Variants in SRGAP3 observed in about 807,000 individuals in gnomAD.
The protein encoded by SRGAP3 is SLIT-ROBO Rho GTPase-activating protein 3.
In SRGAP3, 39 loss-of-function variants were observed where a neutral mutation model predicts 121.1. The observed-to-expected ratio is 0.32, with a 90% confidence interval of 0.25 to 0.42. The LOEUF is 0.42. SRGAP3 is among the 10% of genes least tolerant of loss of function. The pLI, the probability that SRGAP3 is intolerant of heterozygous loss-of-function variation, is 1.00. For missense variants in SRGAP3, 1,213 were observed against 1,470.6 expected, an observed-to-expected ratio of 0.82 and a Z score of 2.86; for synonymous variants, 601 against 570.0, an observed-to-expected ratio of 1.05 and a Z score of -0.77.
intron 4 of SRGAP3, among the ~76,000 whole-genome samples, chr3:9,079,593 G>A (rs1339400038): frequency 6.6e-6 from 1 of 152,204 alleles, no homozygotes; most frequent in African/African-American, 2.4e-5. Flanking sequence ...CAGATGCACA[G>A]ACTGAGACCC....
chr3:9,342,145 G>A (rs971243115), intron 1 of SRGAP3, among the ~76,000 whole-genome samples: 6 of 152,296 alleles, frequency 3.9e-5, no homozygotes, highest in Middle Eastern at 3.4e-3. Flanking sequence ...GAGGCCAGGA[G>A]TTGGAGACGA....
intron 1 of SRGAP3, among the ~76,000 whole-genome samples, chr3:9,140,749 A>G (rs190284693): frequency 3.5e-4 from 54 of 152,378 alleles, no homozygotes; most frequent in African/African-American, 1.2e-3. Context: ...ATAGGTTGCC[A>G]ACTCCTCTAC....
At chr3:9,118,575 G>C (rs1948887706) in intron 2 of SRGAP3, among the ~76,000 whole-genome samples, 1 of 152,166 alleles carries the variant, frequency 6.6e-6, no homozygotes, top group Non-Finnish European at 1.5e-5. Flanking sequence ...GGGAAGGCCA[G>C]CACAGCCCAA....
intron 1 of SRGAP3, among the ~76,000 whole-genome samples, chr3:9,226,166 G>A (rs527269895): frequency 1.3e-5 from 2 of 152,334 alleles, no homozygotes; most frequent in East Asian, 1.9e-4. Context: ...GGTCAGGGGT[G>A]GGGTAGAGGC....
intron 1 of SRGAP3, among the ~76,000 whole-genome samples, chr3:9,157,881 A>G (rs1452762349): frequency 2.0e-5 from 3 of 152,246 alleles, no homozygotes; most frequent in Admixed American, 1.3e-4. Flanking sequence ...TCCTACAGGA[A>G]AAGTTTTCAG....
chr3:9,145,428 G>A (rs1422623361), intron 1 of SRGAP3, among the ~76,000 whole-genome samples: 4 of 152,120 alleles, frequency 2.6e-5, no homozygotes, highest in African/African-American at 9.7e-5. Context: ...TCTGTTTTAT[G>A]TAAGTTTTTA....
chr3:9,248,688 C>A (rs946655254), intron 1 of SRGAP3, among the ~76,000 whole-genome samples, 197 bp downstream of exon 1: 118 of 152,154 alleles, frequency 7.8e-4, no homozygotes, highest in Non-Finnish European at 2.9e-4. Flanking sequence ...AATCCACACT[C>A]CCAGCCCCAG....
In SRGAP3 at chr3:9,013,907, C is replaced by A. The variant is rs1056214016; in HGVS notation, c.1814-65G>T. 6.8e-6 allele frequency: 10 copies of A among 1,463,402 alleles called. No individual in the cohort carries two copies. In the East Asian group the frequency reaches 2.3e-4, roughly 33 times the overall value. The allele number at this position is 1,463,402 out of a possible 1,614,324, so 90.7% of individuals were successfully genotyped here. A position where few individuals can be genotyped will look rare whatever the true frequency, so the allele number is the denominator to read the frequency against. On this transcript the variant is annotated intron_variant, in intron 15 of 21. Transcript: ENST00000383836. ...CAGAGAGCAAAGCAACAAACATTCG[C>A]TCGCCACATCTCCTATATCAACCCA...
chr3:9,262,533 G>GAAAAAAAAAAAAA (rs1954274099), intron 3 of SRGAP3, among the ~76,000 whole-genome samples: 1 of 4,476 alleles, frequency 2.2e-4, no homozygotes, highest in Non-Finnish European at 6.5e-4. Flanking sequence ...CAAATGGAAA[G>GAAAAAAAAAAAAA]CAAAAAAAAA....
chr3:9,214,688 C>CCTAT (rs1952556154), intron 1 of SRGAP3, among the ~76,000 whole-genome samples: 1 of 152,158 alleles, frequency 6.6e-6, no homozygotes, highest in Non-Finnish European at 1.5e-5. Flanking sequence ...ATCCAGATGT[C>CCTAT]CTATCTCGGT....
chr3:8,985,633 C>T lies in SRGAP3; in HGVS notation c.3186G>A (p.Pro1062=), dbSNP rs771932247. 13 of 1,594,778 alleles carry T rather than the reference C, an allele frequency of 8.2e-6. No individual in the cohort carries two copies. The highest frequency in any genetic ancestry group is 1.3e-5 in the African/African-American group (1 of 74,702). Residue 1062 remains proline (P), a synonymous_variant, in exon 22 of 22, where the codon CCG becomes CCA. Transcript: ENST00000383836. This position sits in a 1 kb window ranked among gnomAD's most constrained non-coding sequence, Gnocchi z 5.1. Reference sequence around the variant, plus strand: ...TGCTGCTGGACCGGTGCTGGACCACCGGCCGCACGGGCCGCATGGGGGGCG... The same window carrying T: ...TGCTGCTGGACCGGTGCTGGACCACTGGCCGCACGGGCCGCATGGGGGGCG... ...LRPPPMRPVR[P]VVQHRSSSSS... is the part of the protein sequence containing the mutation.
intron 1 of SRGAP3, among the ~76,000 whole-genome samples, chr3:9,145,434 T>TATATTATG (rs1949991928): frequency 6.6e-6 from 1 of 152,176 alleles, no homozygotes; most frequent in African/African-American, 2.4e-5. Context: ...TTATGTAAGT[T>TATATTATG]TTTAATATAA....
At chr3:9,187,069 C>T (rs1483768531) in intron 1 of SRGAP3, among the ~76,000 whole-genome samples, 1 of 152,072 alleles carries the variant, frequency 6.6e-6, no homozygotes, top group Non-Finnish European at 1.5e-5. Flanking sequence ...CCCGTCAACC[C>T]GTCATCTACA....
chr3:8,996,622 T>C (rs1942417691), intron 18 of SRGAP3, among the ~76,000 whole-genome samples: 1 of 152,244 alleles, frequency 6.6e-6, no homozygotes, highest in Admixed American at 6.5e-5. Context: ...ACTCAGATCT[T>C]GACTCAGAGT....
At chr3:9,117,619 T>C (rs1169678029) in intron 2 of SRGAP3, among the ~76,000 whole-genome samples, 1 of 152,180 alleles carries the variant, frequency 6.6e-6, no homozygotes, top group Admixed American at 6.5e-5. Context: ...ACCCTCTGCA[T>C]GGAGCATTTT....
intron 11 of SRGAP3, chr3:9,034,635 A>G (rs1483109039): frequency 6.6e-6 from 1 of 152,282 alleles, no homozygotes; most frequent in Admixed American, 6.5e-5. Context: ...AAAATTTTGA[A>G]AAGAAACAAC....
At chr3:9,060,126 C>T (rs563441994) in intron 6 of SRGAP3, 105 bp downstream of exon 6, 1 of 1,573,922 alleles carries the variant, frequency 6.4e-7, no homozygotes, top group African/African-American at 1.3e-5. Context: ...CTGTGGCTAC[C>T]CGAGAATGTC....
chr3:9,168,481 AG>A (rs1950871027), intron 1 of SRGAP3, among the ~76,000 whole-genome samples: 1 of 152,252 alleles, frequency 6.6e-6, no homozygotes, highest in African/African-American at 2.4e-5. Context: ...ACGCATGAGC[AG>A]GATGTGCAGT....
chr3:9,246,531 G>A (rs768365741), intron 1 of SRGAP3, among the ~76,000 whole-genome samples: 86 of 152,150 alleles, frequency 5.7e-4, no homozygotes, highest in Non-Finnish European at 8.4e-4. Context: ...GGAGAAAATC[G>A]GCCTTGTGAC....
Sources: allele counts gnomAD v4.1 joint callset (sites outside exome capture counted in the v4.1 genomes callset), GRCh38; gene constraint gnomAD v4.1.1; non-coding constraint Gnocchi (gnomAD v3.1); transcripts MANE v1.5; gene names NCBI Gene and HGNC (gene_info 2026-07-23, HGNC 2026-07-21).